Variants in ASXL1 observed in about 807,000 individuals in gnomAD.
ASXL1 encodes polycomb group protein ASXL1.
In ASXL1, 65 loss-of-function variants were observed where a neutral mutation model predicts 89.1. That is an observed-to-expected ratio of 0.73 (90% CI 0.60 to 0.90). The LOEUF is 0.90. Ranked by LOEUF, ASXL1 falls within the 40% of genes least tolerant of loss-of-function variation. ASXL1 has a pLI of 0.00. For missense variants in ASXL1, 1,786 were observed against 1,942.9 expected (o/e 0.92, Z 1.52); for synonymous variants, 739 against 746.9 (o/e 0.99, Z 0.17).
At chr20:32,380,378 A>G (rs999887295) in intron 4 of ASXL1, among the ~76,000 whole-genome samples, 4 of 152,332 alleles carry the variant, frequency 2.6e-5, no homozygotes, top group Non-Finnish European at 5.9e-5. Flanking sequence ...GAAGAGAGTG[A>G]GATAATTACT....
At chr20:32,358,902 TGG>T in intron 1 of ASXL1, 70 bp downstream of exon 1, 1 of 1,306,634 alleles carries the variant, frequency 7.7e-7, no homozygotes, top group Non-Finnish European at 1.0e-6. Flanking sequence ...ACCCCCCCAC[TGG>T]GGGGGGAGGG....
intron 4 of ASXL1, among the ~76,000 whole-genome samples, chr20:32,399,812 G>A (rs1387451046): frequency 1.4e-5 from 2 of 138,278 alleles, no homozygotes; most frequent in African/African-American, 5.6e-5. Flanking sequence ...CCTGGGCTGG[G>A]GTGCAGTGGC....
At position 32,433,817 on chromosome 20, in the gene ASXL1, C is replaced by T. The variant is rs2123268863; in HGVS notation, c.1619C>T (p.Pro540Leu). 6.2e-7 allele frequency: 1 copy of T among 1,614,100 alleles called. No individual in the cohort carries two copies. ...AASASFPEKKPRLEDRQSFRN... is the reference protein window; with the variant it reads ...AASASFPEKKLRLEDRQSFRN... ...TCTGCATCCTTTCCCGAAAAGAAGC[C>T]CCGGCTTGAAGATCGTCAGTCCTTT... The change falls in exon 12 of 13, where the codon CCC (proline) becomes CTC (leucine). Residue 540 changes from proline to leucine, a missense_variant. Coordinates refer to ENST00000375687, the MANE Select transcript of ASXL1 (RefSeq NM_015338.6).
At chr20:32,401,231 G>A (rs77985373) in intron 4 of ASXL1, among the ~76,000 whole-genome samples, 51 of 152,196 alleles carry the variant, frequency 3.4e-4, no homozygotes, top group Non-Finnish European at 4.4e-4. Context: ...GTTTTATCAC[G>A]TGTATAGATT....
chr20:32,428,102 A>G (rs1316827815), intron 4 of ASXL1, 26 bp from the exon 5 acceptor site: 1 of 1,612,592 alleles, frequency 6.2e-7, no homozygotes, highest in Admixed American at 1.7e-5. Flanking sequence ...GGTTTTGTTC[A>G]CCTGAGTTGT....
chr20:32,359,449 C>T (rs1248915386), intron 1 of ASXL1: 2 of 697,578 alleles, frequency 2.9e-6, no homozygotes, highest in African/African-American at 3.5e-5. Context: ...ACTCCTAGGG[C>T]CCTTCGTAAG....
rs2012030303 is a variant in ASXL1 at position 32,438,025 on chromosome 20, T to C, written c.*687T>C. The C allele has an allele frequency of 1.3e-5, 3 of 233,886 alleles. No homozygotes were observed. The East Asian group carries it at 1.8e-4, about 14-fold the overall frequency. The allele number at this position is 233,886 out of a possible 1,614,324, so 14.5% of individuals were successfully genotyped here. A position where few individuals can be genotyped will look rare whatever the true frequency, so the allele number is the denominator to read the frequency against. ...TGGGGTTGGGGAATAGGGTTGTCTT[T>C]CCTATGAAAATGCCATCTGTAGACC... On this transcript the variant is annotated 3_prime_UTR_variant, in exon 13 of 13. Coordinates refer to ENST00000375687, the MANE Select transcript of ASXL1 (RefSeq NM_015338.6).
intron 6 of ASXL1, chr20:32,428,649 A>ATTTTT (rs1569316921): frequency 2.8e-5 from 5 of 176,896 alleles, no homozygotes; most frequent in African/African-American, 1.6e-4. Context: ...GATTTTGTTC[A>ATTTTT]TTCTTTTTTT....
chr20:32,379,942 C>T (rs2048458635), intron 4 of ASXL1, among the ~76,000 whole-genome samples: 1 of 150,114 alleles, frequency 6.7e-6, no homozygotes, highest in Non-Finnish European at 1.5e-5. Context: ...CAGTTGAACC[C>T]TTTTCCTGTT....
At chr20:32,418,807 A>ATTT (rs2049183477) in intron 4 of ASXL1, among the ~76,000 whole-genome samples, 1 of 101,400 alleles carries the variant, frequency 9.9e-6, no homozygotes, top group African/African-American at 3.8e-5. Context: ...AAGAATTGAC[A>ATTT]TCTTTTTTTT....
rs868859861 is a variant in ASXL1 at position 32,434,837 on chromosome 20, G to A, written c.2125G>A (p.Ala709Thr). Residue 709 changes from alanine (A) to threonine (T), a missense_variant, in exon 13 of 13, where the codon GCC becomes ACC. Around this residue, in one of 3 missense-constraint regions of ASXL1, gnomAD observed 1,418 missense variants for 1,427.8 expected, o/e 0.99. Transcript: ENST00000375687. ...TCCTCTAAATGGGGAGCATACCCAG[G>A]CCGGAACTGCCATGTCCAGAGCTAG... ...PYPLNGEHTQAGTAMSRARRE... is the reference protein window; with the variant it reads ...PYPLNGEHTQTGTAMSRARRE... 6.2e-7 allele frequency: 1 copy of A among 1,614,106 alleles called. No individual in the cohort carries two copies. The highest frequency in any genetic ancestry group is 1.3e-5 in the African/African-American group (1 of 75,028).
chr20:32,428,397 G>T lies in ASXL1; in HGVS notation c.446G>T (p.Arg149Met). The T allele has an allele frequency of 6.2e-7, 1 of 1,613,824 alleles. No homozygotes were observed. The highest frequency in any genetic ancestry group is 1.1e-5 in the South Asian group (1 of 91,046). Residue 149 changes from arginine (R) to methionine (M), a missense_variant, in exon 6 of 13, where the codon AGG (arginine) becomes ATG (methionine). Arg to Met is a moderately conservative substitution (Grantham distance 91). Around this residue, in one of 3 missense-constraint regions of ASXL1, gnomAD observed 332 missense variants for 449.7 expected, o/e 0.74. Coordinates refer to ENST00000375687, the MANE Select transcript of ASXL1 (RefSeq NM_015338.6). ...CAGAGTCGACCTCTTTCCAATCCCAGGGACAGCTACAGAGCTTCCTCACAG... is the reference window on the plus strand; with the variant it reads ...CAGAGTCGACCTCTTTCCAATCCCATGGACAGCTACAGAGCTTCCTCACAG... ...ESQSRPLSNP[R>M]DSYRASSQAN...
intron 4 of ASXL1, among the ~76,000 whole-genome samples, chr20:32,375,436 A>G (rs745622021): frequency 6.8e-6 from 1 of 146,216 alleles, no homozygotes; most frequent in Non-Finnish European, 1.5e-5. Flanking sequence ...GTGACAGAGC[A>G]AGACTTGGTC....
rs1357576416 is a variant in ASXL1, at chr20:32,439,144, C to T, written c.*1806C>T. 4.3e-6 allele frequency: 1 copy of T among 233,392 alleles called. No individual in the cohort carries two copies. The highest frequency in any genetic ancestry group is 8.5e-6 in the Non-Finnish European group (1 of 117,962). 14.5% of individuals were successfully genotyped at this position (233,392 alleles called of 1,614,324 possible). On this transcript the variant is annotated 3_prime_UTR_variant, in exon 13 of 13. Coordinates refer to ENST00000375687, the MANE Select transcript of ASXL1 (RefSeq NM_015338.6). ...GTTGTCAACTTAAGCGTCTGTTTAC[C>T]AAAGACCGGGAACAGGGGCCCAAAC...
At chr20:32,415,143 G>A (rs2049116350) in intron 4 of ASXL1, among the ~76,000 whole-genome samples, 2 of 151,992 alleles carry the variant, frequency 1.3e-5, no homozygotes, top group Non-Finnish European at 2.9e-5. Context: ...CTAGTAGCTG[G>A]GATTACAGGT....
chr20:32,431,233 G>T, intron 8 of ASXL1, 88 bp from the exon 9 acceptor site: 1 of 1,518,782 alleles, frequency 6.6e-7, no homozygotes, highest in South Asian at 1.1e-5. Context: ...TGGGTAGCTT[G>T]GGTGCTGTCA....
Position 32,436,460 on chromosome 20 carries a change from T to C in ASXL1, c.3748T>C (p.Ser1250Pro), listed in dbSNP as rs994602885. The C allele has an allele frequency of 1.2e-6, 2 of 1,614,144 alleles. No homozygotes were observed. Among genetic ancestry groups the C allele is most frequent in the Non-Finnish European group, 1.7e-6 (2 of 1,180,042 alleles). The change falls in exon 13 of 13, where the codon TCA (serine) becomes CCA (proline). Residue 1250 changes from serine to proline, a missense_variant. Coordinates refer to ENST00000375687, the MANE Select transcript of ASXL1 (RefSeq NM_015338.6). ...CEDQKEVRAM[S>P]QDSNSNAAPG... is the part of the protein sequence containing the mutation. ...AGATCAGAAGGAAGTCCGTGCTATG[T>C]CACAGGACAGTAATTCAAATGCTGC...
At chr20:32,411,172 A>G (rs1298695112) in intron 4 of ASXL1, among the ~76,000 whole-genome samples, 1 of 140,246 alleles carries the variant, frequency 7.1e-6, no homozygotes, top group Non-Finnish European at 1.6e-5. Flanking sequence ...GGAGAGCTTT[A>G]ATTTATTCCC....
At chr20:32,386,384 T>G (rs923394713) in intron 4 of ASXL1, among the ~76,000 whole-genome samples, 1 of 147,424 alleles carries the variant, frequency 6.8e-6, no homozygotes, top group Non-Finnish European at 1.5e-5. Context: ...AAAGTGTAAG[T>G]TTTTTTTTTT....
Sources: allele counts gnomAD v4.1 joint callset (sites outside exome capture counted in the v4.1 genomes callset), GRCh38; gene constraint gnomAD v4.1.1; regional missense constraint gnomAD v4.1.1; transcripts MANE v1.5; gene names NCBI Gene and HGNC (gene_info 2026-07-23, HGNC 2026-07-21).